The following TENM4 variants were observed in gnomAD, a reference collection of about 807,000 sequenced individuals.
TENM4 encodes teneurin-4.
In TENM4, 82 loss-of-function variants were observed where a neutral mutation model predicts 243.3. That is an observed-to-expected ratio of 0.34 (90% CI 0.28 to 0.40). The LOEUF (loss-of-function observed/expected upper bound fraction) is 0.40. TENM4 is among the 10% of genes least tolerant of loss of function. The probability of loss-of-function intolerance (pLI) is 1.00; values close to 1 mark genes in which losing one functional copy is unlikely to be tolerated. For missense variants in TENM4, 3,138 were observed against 3,673.3 expected, an observed-to-expected ratio of 0.85 and a Z score of 3.77; for synonymous variants, 1,412 against 1,456.3, an observed-to-expected ratio of 0.97 and a Z score of 0.69.
chr11:79,076,771 G>A (rs764891455), intron 4 of TENM4, among the ~76,000 whole-genome samples: 3 of 152,070 alleles, frequency 2.0e-5, no homozygotes, highest in Non-Finnish European at 4.4e-5. Context: ...GAAAAGAAAG[G>A]GCTAGTAATG....
intron 14 of TENM4, among the ~76,000 whole-genome samples, chr11:78,809,550 T>C (rs1478681160): frequency 1.3e-5 from 2 of 152,184 alleles, no homozygotes; most frequent in African/African-American, 4.8e-5. Context: ...TGATTAAAGT[T>C]GGCTTCTTTC....
chr11:79,184,840 C>A (rs535274236), intron 3 of TENM4, among the ~76,000 whole-genome samples: 7 of 152,140 alleles, frequency 4.6e-5, no homozygotes, highest in Non-Finnish European at 8.8e-5. Flanking sequence ...GAACTGTACA[C>A]TTAAAAATGG....
chr11:78,938,222 T>C (rs1020543739), intron 6 of TENM4, among the ~76,000 whole-genome samples: 2 of 152,232 alleles, frequency 1.3e-5, no homozygotes, highest in Non-Finnish European at 2.9e-5. Flanking sequence ...CTCCTTTCTA[T>C]ATTCTGCCTG....
intron 28 of TENM4, among the ~76,000 whole-genome samples, chr11:78,690,850 T>C (rs1448867527): frequency 3.3e-5 from 5 of 152,196 alleles, no homozygotes; most frequent in Non-Finnish European, 5.9e-5. Flanking sequence ...GCTGACTCTT[T>C]GAACACCTGT....
intron 6 of TENM4, among the ~76,000 whole-genome samples, chr11:78,957,704 G>A (rs1565143367): frequency 6.6e-6 from 1 of 152,176 alleles, no homozygotes; most frequent in Non-Finnish European, 1.5e-5. Flanking sequence ...TAAGGACCCA[G>A]TGCTGAAAAA....
At chr11:79,198,385 T>C (rs1863675574) in intron 3 of TENM4, among the ~76,000 whole-genome samples, 1 of 152,180 alleles carries the variant, frequency 6.6e-6, no homozygotes, top group Non-Finnish European at 1.5e-5. Flanking sequence ...TCCACTGGCC[T>C]GGGGAGGCGC....
intron 6 of TENM4, among the ~76,000 whole-genome samples, chr11:79,057,999 C>T (rs1440411383): frequency 1.3e-5 from 2 of 152,124 alleles, no homozygotes; most frequent in Non-Finnish European, 2.9e-5. Flanking sequence ...TCTCTTAATC[C>T]TCTAAAACAT....
At chr11:79,372,558 A>T (rs911145067) in intron 1 of TENM4, among the ~76,000 whole-genome samples, 18 of 152,152 alleles carry the variant, frequency 1.2e-4, no homozygotes, top group Non-Finnish European at 2.5e-4. Context: ...AGAGCCAATA[A>T]TGTCAGCAGA....
chr11:78,941,989 T>C (rs757612916), intron 6 of TENM4, among the ~76,000 whole-genome samples: 13 of 151,776 alleles, frequency 8.6e-5, no homozygotes, highest in Non-Finnish European at 1.6e-4. Flanking sequence ...CAGGGCTCAC[T>C]GCTGGCTTTC....
At chr11:79,169,861 C>CT (rs1288022509) in intron 3 of TENM4, among the ~76,000 whole-genome samples, 3 of 152,174 alleles carry the variant, frequency 2.0e-5, no homozygotes, top group Admixed American at 1.3e-4. Context: ...CTTGTGTTTC[C>CT]TTTTTTGTGG....
chr11:79,213,869 T>C (rs1863997708), intron 3 of TENM4, among the ~76,000 whole-genome samples: 2 of 152,150 alleles, frequency 1.3e-5, no homozygotes, highest in Non-Finnish European at 2.9e-5. Context: ...CCTTAAAAAA[T>C]GGGGTCATAA....
At chr11:79,425,884 A>T (rs1411874796) in intron 1 of TENM4, among the ~76,000 whole-genome samples, 1 of 152,204 alleles carries the variant, frequency 6.6e-6, no homozygotes, top group Non-Finnish European at 1.5e-5. Flanking sequence ...AATAACAACC[A>T]TAAGAGTGAA....
chr11:79,148,500 C>T (rs1472592023), intron 4 of TENM4, among the ~76,000 whole-genome samples: 1 of 152,000 alleles, frequency 6.6e-6, no homozygotes. Context: ...TTCCACAAGC[C>T]TTTGAAACAT....
Position 79,197,759 on chromosome 11 carries a change from G to T in TENM4, c.-163+18049C>A, listed in dbSNP as rs552499554. 3.9e-5 allele frequency among the ~76,000 whole-genome samples: 6 copies of T among 152,284 alleles called. No homozygotes were observed. The Middle Eastern group carries it at 0.01, about 259-fold the overall frequency. ...GCATTGTTTTGCTGGGGGACGTGGTGGGGGGAAACCTGGCTTTCTCTCCTC... is the reference window on the plus strand; with the variant it reads ...GCATTGTTTTGCTGGGGGACGTGGTTGGGGGAAACCTGGCTTTCTCTCCTC... On this transcript the variant is annotated intron_variant, in intron 3 of 33. Transcript: ENST00000278550.
chr11:79,065,051 G>A, intron 5 of TENM4, 44 bp from the exon 6 acceptor site: 2 of 1,439,838 alleles, frequency 1.4e-6, no homozygotes, highest in East Asian at 5.1e-5. Context: ...ACTGAGATGA[G>A]GTCTGCGTCT....
intron 1 of TENM4, among the ~76,000 whole-genome samples, chr11:79,425,502 GTTCTCC>G (rs1242871024): frequency 1.1e-5 from 1 of 92,968 alleles, no homozygotes. Context: ...TCCTGGCCAT[GTTCTCC>G]TGAGTCCTAG....
chr11:79,107,640 C>G (rs78597165), intron 4 of TENM4, among the ~76,000 whole-genome samples: 2 of 152,192 alleles, frequency 1.3e-5, no homozygotes, highest in Non-Finnish European at 2.9e-5. Context: ...CCTCAAAGAA[C>G]CTTCCCAGTG....
chr11:79,334,069 C>A (rs1279351675), intron 1 of TENM4, among the ~76,000 whole-genome samples: 2 of 152,194 alleles, frequency 1.3e-5, no homozygotes, highest in Non-Finnish European at 2.9e-5. Context: ...AGAACAGCAA[C>A]ACCGAGCATG....
intron 1 of TENM4, chr11:79,402,245 G>C (rs919078227): frequency 5.9e-6 from 1 of 169,810 alleles, no homozygotes; most frequent in African/African-American, 2.4e-5. Context: ...GAAGTCACCA[G>C]TGAACTTGTA....
Sources: allele counts gnomAD v4.1 joint callset (sites outside exome capture counted in the v4.1 genomes callset), GRCh38; gene constraint gnomAD v4.1.1; transcripts MANE v1.5; gene names NCBI Gene and HGNC (gene_info 2026-07-23, HGNC 2026-07-21).